The following ZDHHC14 variants were observed in gnomAD, a reference collection of about 807,000 sequenced individuals.
The protein encoded by ZDHHC14 is palmitoyltransferase ZDHHC14.
A neutral mutation model predicts 47.7 loss-of-function variants in ZDHHC14; 16 were observed. The observed-to-expected ratio is 0.34, with a 90% confidence interval of 0.23 to 0.51. ZDHHC14 has a LOEUF of 0.51. Ranked by LOEUF, ZDHHC14 falls within the 20% of genes least tolerant of loss-of-function variation. The probability of loss-of-function intolerance (pLI) is 0.97; values close to 1 mark genes in which losing one functional copy is unlikely to be tolerated. For synonymous variants in ZDHHC14, 293 were observed against 278.9 expected, an observed-to-expected ratio of 1.05 and a Z score of -0.50; for missense variants, 515 against 662.5, an observed-to-expected ratio of 0.78 and a Z score of 2.44.
At chr6:157,506,487 A>C (rs1780328380) in intron 1 of ZDHHC14, among the ~76,000 whole-genome samples, 1 of 152,342 alleles carries the variant, frequency 6.6e-6, no homozygotes, top group African/African-American at 2.4e-5. Context: ...TTTGTGCATG[A>C]GATGATGTGG....
At chr6:157,594,372 A>G (rs1784035852) in intron 3 of ZDHHC14, among the ~76,000 whole-genome samples, 1 of 152,196 alleles carries the variant, frequency 6.6e-6, no homozygotes. Flanking sequence ...CCATGTAGGA[A>G]GTAGCTGATG....
At chr6:157,384,643 A>T (rs1008379287) in intron 1 of ZDHHC14, among the ~76,000 whole-genome samples, 2 of 152,240 alleles carry the variant, frequency 1.3e-5, no homozygotes, top group South Asian at 4.1e-4. Flanking sequence ...CTGTTTGGAA[A>T]AATCAGAGGC....
intron 8 of ZDHHC14, among the ~76,000 whole-genome samples, chr6:157,654,140 A>G (rs1356886609): frequency 6.6e-6 from 1 of 152,186 alleles, no homozygotes; most frequent in Non-Finnish European, 1.5e-5. Flanking sequence ...ACTTGCCACA[A>G]AACTGACCAG....
Position 157,413,132 on chromosome 6 carries a change from C to T in ZDHHC14, c.245+30866C>T, listed in dbSNP as rs544742091. On this transcript the variant is annotated intron_variant, in intron 1 of 8. Transcript: ENST00000359775. ...CCTTTCCATAGAAGCGTCTAAAGTG[C>T]CAAGAACAGTGCCTGGCATACAGTA... 3.3e-5 allele frequency among the ~76,000 whole-genome samples: 5 copies of T among 152,248 alleles called. No homozygotes were observed. In the East Asian group the frequency reaches 7.7e-4, roughly 24 times the overall value.
intron 4 of ZDHHC14, 162 bp downstream of exon 4, chr6:157,628,648 A>C (rs1785534448): frequency 9.0e-6 from 8 of 885,494 alleles, no homozygotes; most frequent in African/African-American, 5.2e-5. Flanking sequence ...TTTGTTTCTC[A>C]CCCTCCTCCA....
chr6:157,470,949 G>A (rs1233759164), intron 1 of ZDHHC14, among the ~76,000 whole-genome samples: 1 of 152,206 alleles, frequency 6.6e-6, no homozygotes, highest in African/African-American at 2.4e-5. Flanking sequence ...GGAGTAGAGG[G>A]CCCTTCAGAC....
At chr6:157,557,964 C>A (rs1395868437) in intron 2 of ZDHHC14, among the ~76,000 whole-genome samples, 7 of 152,220 alleles carry the variant, frequency 4.6e-5, no homozygotes, top group Non-Finnish European at 8.8e-5. Flanking sequence ...GTGAGCCACA[C>A]ATGCAAGCCA....
At chr6:157,590,176 G>A (rs192229243) in intron 2 of ZDHHC14, among the ~76,000 whole-genome samples, 1 of 152,344 alleles carries the variant, frequency 6.6e-6, no homozygotes, top group East Asian at 1.9e-4. Context: ...GCCAGATCAT[G>A]CAGCAGAAAA....
intron 1 of ZDHHC14, among the ~76,000 whole-genome samples, chr6:157,388,985 C>A (rs184400295): frequency 6.6e-6 from 1 of 152,268 alleles, no homozygotes; most frequent in African/African-American, 2.4e-5. Context: ...TATTCCCAAA[C>A]AATACGTTGT....
At position 157,521,250 on chromosome 6, in the gene ZDHHC14, C is replaced by G. The variant is rs1413574855; in HGVS notation, c.246-21335C>G. Among the ~76,000 whole-genome samples the G allele has an allele frequency of 2.6e-5, 4 of 152,204 alleles. No homozygotes were observed. In the East Asian group the frequency reaches 7.7e-4, roughly 29 times the overall value. On this transcript the variant is annotated intron_variant, in intron 1 of 8. Coordinates refer to ENST00000359775, the MANE Select transcript of ZDHHC14 (RefSeq NM_024630.3). Reference sequence around the variant, plus strand: ...TTTGGTTTGGAGTCAGGCATTACAGCTCCGTTTGGAGTCTGGGTCTTCCAG... The same window carrying G: ...TTTGGTTTGGAGTCAGGCATTACAGGTCCGTTTGGAGTCTGGGTCTTCCAG...
chr6:157,647,131 A>C (rs759042581), intron 6 of ZDHHC14, 128 bp from the exon 7 acceptor site: 1 of 673,990 alleles, frequency 1.5e-6, no homozygotes, highest in Non-Finnish European at 2.5e-6. Context: ...TTTCTTTAAG[A>C]AAAATACCTC....
At chr6:157,406,189 T>G (rs927142242) in intron 1 of ZDHHC14, among the ~76,000 whole-genome samples, 2 of 152,008 alleles carry the variant, frequency 1.3e-5, no homozygotes, top group African/African-American at 4.8e-5. Context: ...GAAGCTGCAG[T>G]TGGGGAGGGA....
At position 157,582,138 on chromosome 6, in the gene ZDHHC14, C is replaced by T. The variant is rs1457761936; in HGVS notation, c.407-10850C>T. Among the ~76,000 whole-genome samples the T allele has an allele frequency of 1.3e-5, 2 of 152,238 alleles. No individual in the cohort carries two copies. Among genetic ancestry groups the T allele is most frequent in the South Asian group, 2.1e-4 (1 of 4,828 alleles). ...TCTCAAACTCCTGGCCTCAAGTGATCTGCCCACCTGGGCCTCCCAAAGTGC... is the reference window on the plus strand; with the variant it reads ...TCTCAAACTCCTGGCCTCAAGTGATTTGCCCACCTGGGCCTCCCAAAGTGC... On this transcript the variant is annotated intron_variant, in intron 2 of 8. Coordinates refer to ENST00000359775, the MANE Select transcript of ZDHHC14 (RefSeq NM_024630.3). The surrounding 1 kb of genome is among the most constrained non-coding windows in gnomAD (Gnocchi z 4.3).
intron 1 of ZDHHC14, among the ~76,000 whole-genome samples, chr6:157,503,720 T>C (rs1780243058): frequency 6.6e-6 from 1 of 152,210 alleles, no homozygotes; most frequent in African/African-American, 2.4e-5. Flanking sequence ...CATGAAAACA[T>C]GCTCAGCCTC....
chr6:157,634,591 A>G (rs770037727), intron 5 of ZDHHC14, among the ~76,000 whole-genome samples: 2 of 152,262 alleles, frequency 1.3e-5, no homozygotes, highest in Non-Finnish European at 2.9e-5. Flanking sequence ...CGTTTGTGTC[A>G]TGAAAGCATG....
In ZDHHC14 at chr6:157,671,432, A is replaced by G. The variant is rs188584817; in HGVS notation, c.1069-1292A>G. On this transcript the variant is annotated intron_variant, in intron 8 of 8. Coordinates refer to ENST00000359775, the MANE Select transcript of ZDHHC14 (RefSeq NM_024630.3). Reference sequence around the variant, plus strand: ...TTGAGCACAGAGTCCCGATTTGCTCACCTAATATCCATGTCTGTTCCTCCT... The same window carrying G: ...TTGAGCACAGAGTCCCGATTTGCTCGCCTAATATCCATGTCTGTTCCTCCT... Among the ~76,000 whole-genome samples the G allele has an allele frequency of 3.3e-5, 5 of 152,306 alleles. No individual in the cohort carries two copies. In the East Asian group the frequency reaches 9.6e-4, roughly 29 times the overall value.
chr6:157,608,224 G>A (rs1784615807), intron 3 of ZDHHC14, among the ~76,000 whole-genome samples: 1 of 152,174 alleles, frequency 6.6e-6, no homozygotes, highest in East Asian at 1.9e-4. Context: ...AGAGCGAGAA[G>A]CACGTCATTC....
At chr6:157,622,851 A>G (rs999412206) in intron 3 of ZDHHC14, among the ~76,000 whole-genome samples, 1 of 144,192 alleles carries the variant, frequency 6.9e-6, no homozygotes, top group Admixed American at 7.0e-5. Context: ...ACTAAACGAG[A>G]TTGAAGACAT....
intron 3 of ZDHHC14, among the ~76,000 whole-genome samples, chr6:157,619,799 A>G (rs1785114345): frequency 6.6e-6 from 1 of 152,202 alleles, no homozygotes; most frequent in Non-Finnish European, 1.5e-5. Context: ...AGAAGAATTC[A>G]TGCAGATACT....
Sources: gnomAD v4.1 joint callset for allele counts (sites outside exome capture counted in the v4.1 genomes callset) on GRCh38, gnomAD v4.1.1 for gene constraint, Gnocchi (gnomAD v3.1) non-coding constraint, MANE v1.5 for transcripts, NCBI Gene and HGNC (gene_info 2026-07-23, HGNC 2026-07-21) for gene names.